Variants in RGS7 observed in about 807,000 individuals in gnomAD.
The protein encoded by RGS7 is regulator of G protein signaling 7.
RGS7 carries 27 observed loss-of-function variants against 81.1 expected under a neutral mutation model. The ratio of observed to expected loss-of-function variants is 0.33; its 90% confidence interval spans 0.25 to 0.46. The LOEUF is 0.46. Ranked by LOEUF, RGS7 falls within the 20% of genes least tolerant of loss-of-function variation. The pLI, the probability that RGS7 is intolerant of heterozygous loss-of-function variation, is 1.00. For synonymous variants in RGS7, 208 were observed against 207.7 expected, an observed-to-expected ratio of 1.00 and a Z score of -0.01; for missense variants, 396 against 607.4, an observed-to-expected ratio of 0.65 and a Z score of 3.66.
At chr1:241,184,196 G>GA (rs967378703) in intron 2 of RGS7, among the ~76,000 whole-genome samples, 22 of 150,292 alleles carry the variant, frequency 1.5e-4, no homozygotes, top group Middle Eastern at 3.4e-3. Flanking sequence ...TTGATCAGCA[G>GA]AAAAAAAAAT....
At chr1:240,985,035 A>G (rs1870459) in intron 3 of RGS7, among the ~76,000 whole-genome samples, 122,226 of 152,138 alleles carry the variant, frequency 0.8, 50,966 homozygotes, top group East Asian at 1. Flanking sequence ...AAACAGCTCT[A>G]AGGGTCAAAT....
chr1:240,979,773 A>G (rs1249928447), intron 4 of RGS7, among the ~76,000 whole-genome samples: 1 of 152,228 alleles, frequency 6.6e-6, no homozygotes, highest in Non-Finnish European at 1.5e-5. Flanking sequence ...AAGCCACCAC[A>G]GAAGACTGAG....
At chr1:240,795,045 C>A (rs1295513345) in intron 18 of RGS7, among the ~76,000 whole-genome samples, 1 of 151,990 alleles carries the variant, frequency 6.6e-6, no homozygotes, top group Non-Finnish European at 1.5e-5. Context: ...ATTAGCTGGG[C>A]CTGGTGGCAC....
intron 2 of RGS7, among the ~76,000 whole-genome samples, chr1:241,254,239 A>G (rs1461416564): frequency 6.6e-6 from 1 of 151,908 alleles, no homozygotes; most frequent in Non-Finnish European, 1.5e-5. Flanking sequence ...TTAGTGGTGA[A>G]GCCATGCTGT....
intron 6 of RGS7, among the ~76,000 whole-genome samples, chr1:240,876,443 A>ACAG (rs1665429925): frequency 6.6e-6 from 1 of 152,182 alleles, no homozygotes; most frequent in Admixed American, 6.5e-5. Flanking sequence ...TTAGTGGAAC[A>ACAG]CAGCCCCTTT....
At chr1:241,004,656 G>T (rs1347738061) in intron 3 of RGS7, among the ~76,000 whole-genome samples, 1 of 152,136 alleles carries the variant, frequency 6.6e-6, no homozygotes, top group Non-Finnish European at 1.5e-5. Context: ...GACAGAAAGG[G>T]AATGATCTAA....
At chr1:240,896,211 C>A (rs139604918) in intron 6 of RGS7, among the ~76,000 whole-genome samples, 19,422 of 152,002 alleles carry the variant, frequency 0.13, 1,354 homozygotes, top group Middle Eastern at 0.18. Context: ...AGATTGTAAA[C>A]ATTTTCTCCC....
chr1:241,078,857 A>C (rs2062975264), intron 3 of RGS7, among the ~76,000 whole-genome samples: 1 of 152,222 alleles, frequency 6.6e-6, no homozygotes, highest in Admixed American at 6.5e-5. Flanking sequence ...CGTTTAAAAT[A>C]TAATGTTCTC....
chr1:241,010,217 T>C (rs1403690632), intron 3 of RGS7, among the ~76,000 whole-genome samples: 1 of 152,174 alleles, frequency 6.6e-6, no homozygotes, highest in Non-Finnish European at 1.5e-5. Context: ...TATGACTTTC[T>C]GGGCTTGTGT....
chr1:240,800,749 T>C, intron 17 of RGS7, 28 bp from the exon 18 acceptor site: 5 of 1,387,252 alleles, frequency 3.6e-6, no homozygotes, highest in Non-Finnish European at 5.0e-6. Flanking sequence ...TTGAAGGCTT[T>C]AGTTTGAGCT....
At chr1:241,348,622 T>C (rs1413255410) in intron 2 of RGS7, among the ~76,000 whole-genome samples, 1 of 152,196 alleles carries the variant, frequency 6.6e-6, no homozygotes, top group Non-Finnish European at 1.5e-5. Context: ...ATCTGCAAAA[T>C]GAAAAAGTAG....
At chr1:241,297,929 T>C (rs2079521907) in intron 2 of RGS7, among the ~76,000 whole-genome samples, 1 of 152,198 alleles carries the variant, frequency 6.6e-6, no homozygotes, top group African/African-American at 2.4e-5. Context: ...CATCCTCTAG[T>C]ATGTTGCAAA....
chr1:241,184,738 T>C (rs937915698), intron 2 of RGS7, among the ~76,000 whole-genome samples: 5 of 152,328 alleles, frequency 3.3e-5, no homozygotes, highest in African/African-American at 1.2e-4. Flanking sequence ...AATCTCATTA[T>C]GAACGTGCAA....
chr1:240,944,274 GTGTGTGTGTATATATATATATA>G (rs1439865066), intron 4 of RGS7, among the ~76,000 whole-genome samples: 31 of 18,824 alleles, frequency 1.6e-3, no homozygotes, highest in African/African-American at 3.2e-3. Flanking sequence ...GTGTGTGTGT[GTGTGTGTGTATATATATATATA>G]TATATATATA....
rs1010781812 is a variant in RGS7 at position 241,102,269 on chromosome 1, A to G, written c.79-3507T>C. Among the ~76,000 whole-genome samples, 3 of 152,212 alleles carry G rather than the reference A, an allele frequency of 2.0e-5. No homozygotes were observed. In the East Asian group the frequency reaches 5.8e-4, roughly 29 times the overall value. On this transcript the variant is annotated intron_variant, in intron 2 of 18. Transcript: ENST00000440928. The stretch of plus-strand genomic sequence containing the variant: ...AAAACCCCTGCTTTCTAAAAACTAA[A>G]ATCAATTAAAAAGAAAAAGAAAATT...
chr1:241,303,222 T>A (rs1008658695), intron 2 of RGS7, among the ~76,000 whole-genome samples: 6 of 151,962 alleles, frequency 3.9e-5, no homozygotes, highest in African/African-American at 1.4e-4. Flanking sequence ...GGGGGTGGAT[T>A]TCCCCCTTGC....
At position 241,281,775 on chromosome 1, in the gene RGS7, T is replaced by C. The variant is rs953219184; in HGVS notation, c.78+73924A>G. Among the ~76,000 whole-genome samples the C allele has an allele frequency of 2.0e-5, 3 of 152,240 alleles. 1 individual carries two copies. Among genetic ancestry groups the C allele is most frequent in the African/African-American group, 4.8e-5 (2 of 41,460 alleles). On this transcript the variant is annotated intron_variant, in intron 2 of 18. Coordinates refer to ENST00000440928, the MANE Select transcript of RGS7 (RefSeq NM_001364886.1). ...TATCATAAGAATATAATATGTATTATATATACAAAATATGCTTTAATCAAC... is the reference window on the plus strand; with the variant it reads ...TATCATAAGAATATAATATGTATTACATATACAAAATATGCTTTAATCAAC...
Position 241,287,748 on chromosome 1 carries a change from TAC to T in RGS7, c.78+67949_78+67950del, listed in dbSNP as rs3052436. Among the ~76,000 whole-genome samples the T allele has an allele frequency of 9.4e-3, 1,424 of 150,802 alleles. 10 individuals carry two copies. Among genetic ancestry groups the T allele is most frequent in the African/African-American group, 0.018 (758 of 41,116 alleles). ...ACACACACACATTCAAACACACACA[TAC>T]ACACACACACACACGACAGAGGGAC... is the stretch of plus-strand genomic sequence containing the variant. On this transcript the variant is annotated intron_variant, in intron 2 of 18. Coordinates refer to ENST00000440928, the MANE Select transcript of RGS7 (RefSeq NM_001364886.1).
rs115100582 is a variant in RGS7, at chr1:241,239,713, G to A, written c.78+115986C>T. Among the ~76,000 whole-genome samples the A allele has an allele frequency of 3.1e-3, 475 of 152,298 alleles. 7 individuals are homozygous for A. The highest frequency in any genetic ancestry group is 0.014 in the Middle Eastern group (4 of 294). On this transcript the variant is annotated intron_variant, in intron 2 of 18. Coordinates refer to ENST00000440928, the MANE Select transcript of RGS7 (RefSeq NM_001364886.1). Reference sequence around the variant, plus strand: ...TCTCAAGGGAACAGTGGCGACAGCAGCAAACGGGACATGTCAGAAATGCAA... The same window carrying A: ...TCTCAAGGGAACAGTGGCGACAGCAACAAACGGGACATGTCAGAAATGCAA...
Sources: gnomAD v4.1 joint callset for allele counts (sites outside exome capture counted in the v4.1 genomes callset) on GRCh38, gnomAD v4.1.1 for gene constraint, MANE v1.5 for transcripts, NCBI Gene and HGNC (gene_info 2026-07-23, HGNC 2026-07-21) for gene names.